The following WIPF3 variants were observed in gnomAD, a reference collection of about 807,000 sequenced individuals.
WIPF3 encodes WAS/WASL-interacting protein family member 3.
A neutral mutation model predicts 38.9 loss-of-function variants in WIPF3; 33 were observed. The observed-to-expected ratio is 0.85, with a 90% CI of 0.64 to 1.14. The LOEUF is 1.14. WIPF3 is among the 50% of genes most tolerant of loss of function. WIPF3 has a pLI of 0.00. For missense variants in WIPF3, 711 were observed against 652.5 expected (o/e 1.09, Z -0.98); for synonymous variants, 324 against 269.3 (o/e 1.20, Z -1.99).
chr7:29,841,881 A>G (rs1042451884), intron 2 of WIPF3, among the ~76,000 whole-genome samples: 31 of 152,238 alleles, frequency 2.0e-4, no homozygotes, highest in Non-Finnish European at 3.4e-4. Context: ...AAATTAAATT[A>G]TTACTGTTGC....
intron 2 of WIPF3, 121 bp from the exon 3 acceptor site, chr7:29,875,709 A>G: frequency 7.5e-7 from 1 of 1,341,692 alleles, no homozygotes; most frequent in Non-Finnish European, 1.0e-6. Flanking sequence ...GTAATCTGAG[A>G]TCAGCCTTGG....
intron 1 of WIPF3, among the ~76,000 whole-genome samples, chr7:29,818,797 G>T (rs868107941): frequency 1.2e-4 from 18 of 152,048 alleles, no homozygotes; most frequent in African/African-American, 4.3e-4. Context: ...ATTGGAATTT[G>T]TTTAGTCTTT....
intron 7 of WIPF3, among the ~76,000 whole-genome samples, chr7:29,893,965 A>G (rs762999665): frequency 5.9e-5 from 9 of 152,220 alleles, no homozygotes; most frequent in Non-Finnish European, 1.2e-4. Context: ...CAACTACTCA[A>G]TTCTGCTGAT....
At position 29,823,378 on chromosome 7, in the gene WIPF3, T is replaced by C. The variant is rs868737450; in HGVS notation, c.-57-11290T>C. Among the ~76,000 whole-genome samples the C allele has an allele frequency of 1.3e-5, 2 of 152,164 alleles. No homozygotes were observed. The highest frequency in any genetic ancestry group is 2.9e-5 in the Non-Finnish European group (2 of 68,016). On this transcript the variant is annotated intron_variant, in intron 1 of 8. Coordinates refer to ENST00000242140, the MANE Select transcript of WIPF3 (RefSeq NM_001080529.3). The surrounding 1 kb of genome is among the most constrained non-coding windows in gnomAD (Gnocchi z 4.0). ...CTGGGAGAACCCAACATTCAGAATATATTTTATTCCCACGCCGATAATGAG... is the reference window on the plus strand; with the variant it reads ...CTGGGAGAACCCAACATTCAGAATACATTTTATTCCCACGCCGATAATGAG...
At chr7:29,833,870 G>A (rs77277748) in intron 1 of WIPF3, among the ~76,000 whole-genome samples, 14 of 152,178 alleles carry the variant, frequency 9.2e-5, no homozygotes, top group African/African-American at 3.4e-4. Flanking sequence ...TTAAGTCCTT[G>A]CAGTGTGCCT....
intron 2 of WIPF3, among the ~76,000 whole-genome samples, chr7:29,847,289 T>C (rs1785015381): frequency 6.6e-6 from 1 of 152,050 alleles, no homozygotes; most frequent in Non-Finnish European, 1.5e-5. Flanking sequence ...GAAGCCAAGA[T>C]CAAAATTGAG....
intron 8 of WIPF3, among the ~76,000 whole-genome samples, chr7:29,908,034 AT>A (rs1278642733): frequency 3.3e-5 from 5 of 152,196 alleles, no homozygotes; most frequent in Non-Finnish European, 5.9e-5. Context: ...ATGCAAACGG[AT>A]TAAACTTTCC....
intron 2 of WIPF3, among the ~76,000 whole-genome samples, chr7:29,871,076 T>C (rs1379499120): frequency 6.6e-6 from 1 of 152,244 alleles, no homozygotes. Flanking sequence ...CTGTTAGATC[T>C]CAATGTACCT....
At chr7:29,855,037 C>T (rs1785165818) in intron 2 of WIPF3, among the ~76,000 whole-genome samples, 1 of 152,214 alleles carries the variant, frequency 6.6e-6, no homozygotes, top group Non-Finnish European at 1.5e-5. Context: ...CAAACTAATG[C>T]ACAATGTCTT....
At chr7:29,825,345 G>T (rs1216356810) in intron 1 of WIPF3, among the ~76,000 whole-genome samples, 3 of 152,042 alleles carry the variant, frequency 2.0e-5, no homozygotes, top group Non-Finnish European at 4.4e-5. Flanking sequence ...TAAAATAAAA[G>T]TTGAAGGAAA....
At chr7:29,894,250 C>T (rs757057631) in intron 7 of WIPF3, among the ~76,000 whole-genome samples, 2 of 152,128 alleles carry the variant, frequency 1.3e-5, no homozygotes, top group Non-Finnish European at 2.9e-5. Flanking sequence ...TGCTCACTCG[C>T]GTCCTCAAGA....
At chr7:29,900,802 G>T (rs138338097) in intron 7 of WIPF3, among the ~76,000 whole-genome samples, 37 of 152,348 alleles carry the variant, frequency 2.4e-4, no homozygotes, top group South Asian at 6.2e-4. Flanking sequence ...CAAAGCTGGG[G>T]CTAGAGTCCA....
At chr7:29,857,243 G>A (rs983847317) in intron 2 of WIPF3, among the ~76,000 whole-genome samples, 1 of 151,832 alleles carries the variant, frequency 6.6e-6, no homozygotes, top group African/African-American at 2.4e-5. Context: ...TGTGACATAG[G>A]GTAGTTAAAC....
At chr7:29,909,769 G>A (rs918508820) in intron 8 of WIPF3, among the ~76,000 whole-genome samples, 18 of 151,912 alleles carry the variant, frequency 1.2e-4, no homozygotes, top group Admixed American at 3.3e-4. Context: ...GGTGGTGCGT[G>A]GCTGTAGTCT....
At chr7:29,870,707 C>T (rs1347000360) in intron 2 of WIPF3, among the ~76,000 whole-genome samples, 2 of 152,212 alleles carry the variant, frequency 1.3e-5, no homozygotes, top group Admixed American at 6.5e-5. Flanking sequence ...TGAATCAGCT[C>T]TGTGCTCCAG....
At position 29,910,731 on chromosome 7, in the gene WIPF3, A is replaced by G. The variant is rs1270016317; in HGVS notation, c.1429-3762A>G. 2.2e-4 allele frequency among the ~76,000 whole-genome samples: 33 copies of G among 152,282 alleles called. No individual in the cohort carries two copies. The East Asian group carries it at 6.4e-3, about 29-fold the overall frequency. ...AAATTGAACACCTTTTCATGATAAAAAAAATTCTCAATAAACTAGGAATAG... is the reference window on the plus strand; with the variant it reads ...AAATTGAACACCTTTTCATGATAAAGAAAATTCTCAATAAACTAGGAATAG... On this transcript the variant is annotated intron_variant, in intron 8 of 8. Coordinates refer to ENST00000242140, the MANE Select transcript of WIPF3 (RefSeq NM_001080529.3).
intron 2 of WIPF3, among the ~76,000 whole-genome samples, chr7:29,870,330 G>A (rs1341209693): frequency 1.3e-5 from 2 of 152,182 alleles, no homozygotes; most frequent in African/African-American, 4.8e-5. Flanking sequence ...TACTCTGTCT[G>A]TTGTGTGGGG....
chr7:29,914,451 T>C, intron 8 of WIPF3, 42 bp from the exon 9 acceptor site: 1 of 1,451,592 alleles, frequency 6.9e-7, no homozygotes, highest in Non-Finnish European at 9.1e-7. Flanking sequence ...TGTGCAAGAG[T>C]CTTCTAACTC....
intron 2 of WIPF3, among the ~76,000 whole-genome samples, chr7:29,857,631 G>A (rs1367271079): frequency 1.3e-5 from 2 of 152,144 alleles, no homozygotes; most frequent in Admixed American, 1.3e-4. Context: ...GTTACCTGGG[G>A]TTTCTACATT....
Sources: allele counts gnomAD v4.1 joint callset (sites outside exome capture counted in the v4.1 genomes callset), GRCh38; gene constraint gnomAD v4.1.1; non-coding constraint Gnocchi (gnomAD v3.1); transcripts MANE v1.5; gene names NCBI Gene and HGNC (gene_info 2026-07-23, HGNC 2026-07-21).